The following DIP2B variants were observed in gnomAD, a reference collection of about 807,000 sequenced individuals.
DIP2B encodes disco-interacting protein 2 homolog B.
A neutral mutation model predicts 198.0 loss-of-function variants in DIP2B; 76 were observed. The ratio of observed to expected loss-of-function variants is 0.38; its 90% CI spans 0.32 to 0.46. The LOEUF (loss-of-function observed/expected upper bound fraction) is 0.46. DIP2B is among the 20% of genes least tolerant of loss of function. DIP2B has a pLI of 0.99. For synonymous variants in DIP2B, 701 were observed against 739.1 expected, an observed-to-expected ratio of 0.95 and a Z score of 0.84; for missense variants, 1,559 against 1,978.4, an observed-to-expected ratio of 0.79 and a Z score of 4.02.
intron 1 of DIP2B, among the ~76,000 whole-genome samples, chr12:50,573,938 G>T (rs907524412): frequency 5.3e-5 from 8 of 152,188 alleles, no homozygotes; most frequent in Admixed American, 1.3e-4. Context: ...GTATATTTAA[G>T]ATAATTTCCT....
chr12:50,651,808 G>A (rs1388498266), intron 3 of DIP2B, among the ~76,000 whole-genome samples: 5 of 152,032 alleles, frequency 3.3e-5, no homozygotes, highest in African/African-American at 9.7e-5. Context: ...GGACTCAAGC[G>A]ATTCTCCCCG....
chr12:50,704,365 T>A, intron 20 of DIP2B, 145 bp downstream of exon 20: 1 of 627,872 alleles, frequency 1.6e-6, no homozygotes, highest in Non-Finnish European at 2.5e-6. Flanking sequence ...AAGGATGTCA[T>A]AAAATGAGTT....
At chr12:50,714,326 A>AT (rs1183416722) in intron 22 of DIP2B, 69 bp from the exon 23 acceptor site, 2 of 1,579,194 alleles carry the variant, frequency 1.3e-6, no homozygotes, top group Admixed American at 3.4e-5. Context: ...AAAATAATGG[A>AT]TTATACCAGG....
At chr12:50,577,005 C>T (rs1958668181) in intron 1 of DIP2B, among the ~76,000 whole-genome samples, 1 of 151,828 alleles carries the variant, frequency 6.6e-6, no homozygotes, top group South Asian at 2.1e-4. Context: ...CTGGGATTAC[C>T]ACGCCTAATT....
In DIP2B at chr12:50,745,891, C is replaced by A. The variant is rs1054571468; in HGVS notation, c.*1052C>A. On this transcript the variant is annotated 3_prime_UTR_variant, in exon 38 of 38. Transcript: ENST00000301180. The stretch of plus-strand genomic sequence containing the variant: ...TCTACAGTTTATCCATATAACTTCT[C>A]TTCTGAAAACTGAGGAGTGTCCTCT... The A allele has an allele frequency of 7.2e-5, 11 of 152,178 alleles. No individual in the cohort carries two copies. The highest frequency in any genetic ancestry group is 1.2e-4 in the African/African-American group (5 of 41,420). The allele number at this position is 152,178 out of a possible 1,614,324, so 9.4% of individuals were successfully genotyped here.
chr12:50,591,248 A>G (rs1958815752), intron 1 of DIP2B, among the ~76,000 whole-genome samples: 1 of 152,206 alleles, frequency 6.6e-6, no homozygotes, highest in Non-Finnish European at 1.5e-5. Flanking sequence ...TTACTTCTCC[A>G]TGGACTTTGA....
At position 50,580,255 on chromosome 12, in the gene DIP2B, CCTT is replaced by C. The variant is rs1438648801; in HGVS notation, c.101-45718_101-45716del. On this transcript the variant is annotated intron_variant, in intron 1 of 37. Coordinates refer to ENST00000301180, the MANE Select transcript of DIP2B (RefSeq NM_173602.3). ...CAGCACTACACACTGTTGCCCCAAA[CCTT>C]CTGAGTTATATCACAGTCATTTCAT... Among the ~76,000 whole-genome samples the C allele has an allele frequency of 6.1e-5, 9 of 148,738 alleles. 1 individual carries two copies. Among genetic ancestry groups the C allele is most frequent in the African/African-American group, 2.2e-4 (9 of 40,646 alleles).
chr12:50,518,050 AATG>A (rs1958081435), intron 1 of DIP2B, among the ~76,000 whole-genome samples: 1 of 152,204 alleles, frequency 6.6e-6, no homozygotes, highest in Admixed American at 6.5e-5. Context: ...CTATTAGCAT[AATG>A]ATGATGAGGG....
At position 50,683,127 on chromosome 12, in the gene DIP2B, A is replaced by C; in HGVS notation, c.1207-11A>C. Reference sequence around the variant, plus strand: ...TTCCTCTGTTAAACTGAATATCATTATGAATTTTAGGTAGCCCTGGTTTAC... The same window carrying C: ...TTCCTCTGTTAAACTGAATATCATTCTGAATTTTAGGTAGCCCTGGTTTAC... On this transcript the variant is annotated splice_polypyrimidine_tract_variant and intron_variant, in intron 9 of 37. Transcript: ENST00000301180. 1 of 1,596,140 alleles carries C rather than the reference A, an allele frequency of 6.3e-7. No homozygotes were observed. Among genetic ancestry groups the C allele is most frequent in the Non-Finnish European group, 8.5e-7 (1 of 1,172,454 alleles).
chr12:50,527,083 C>A (rs1452524183), intron 1 of DIP2B, among the ~76,000 whole-genome samples: 2 of 152,214 alleles, frequency 1.3e-5, no homozygotes, highest in Non-Finnish European at 2.9e-5. Flanking sequence ...TGGAAAAAAA[C>A]TGAATATTTC....
intron 3 of DIP2B, among the ~76,000 whole-genome samples, chr12:50,643,984 TTTATA>T (rs941273491): frequency 1.1e-4 from 16 of 152,230 alleles, no homozygotes; most frequent in Non-Finnish European, 1.0e-4. Context: ...TAAGAAGGAT[TTTATA>T]TTAATGCTGG....
At chr12:50,536,866 T>C (rs1463644571) in intron 1 of DIP2B, among the ~76,000 whole-genome samples, 1 of 131,846 alleles carries the variant, frequency 7.6e-6, no homozygotes, top group African/African-American at 2.7e-5. Context: ...ACAATAATTG[T>C]ATTTTTTTTT....
intron 1 of DIP2B, among the ~76,000 whole-genome samples, chr12:50,595,795 A>G (rs1291075577): frequency 2.0e-5 from 3 of 152,304 alleles, no homozygotes; most frequent in Non-Finnish European, 2.9e-5. Flanking sequence ...AAAATCTCCC[A>G]TGGACTCAAG....
intron 16 of DIP2B, among the ~76,000 whole-genome samples, chr12:50,696,569 A>G (rs1939315329): frequency 6.6e-6 from 1 of 152,186 alleles, no homozygotes; most frequent in South Asian, 2.1e-4. Flanking sequence ...CTGATCCTTC[A>G]CACAGTAGAA....
chr12:50,597,068 T>C (rs761927480), intron 1 of DIP2B, among the ~76,000 whole-genome samples: 1 of 152,214 alleles, frequency 6.6e-6, no homozygotes, highest in East Asian at 1.9e-4. Context: ...TTGTGAATTC[T>C]ATGGCCTTTT....
intron 1 of DIP2B, among the ~76,000 whole-genome samples, chr12:50,571,460 A>C (rs1958612912): frequency 6.6e-6 from 1 of 151,320 alleles, no homozygotes; most frequent in Admixed American, 6.6e-5. Flanking sequence ...GGCGTGAGCC[A>C]CCACACCCCG....
Position 50,718,818 on chromosome 12 carries a change from G to C in DIP2B, c.2961G>C (p.Lys987Asn), listed in dbSNP as rs202162129. The change falls in exon 24 of 38, where the codon AAG (lysine) becomes AAC (asparagine). Residue 987 changes from lysine to asparagine, a missense_variant and splice_region_variant. Physicochemically the swap from Lys to Asn is moderately conservative, Grantham distance 94. Transcript: ENST00000301180. ...TAGAAGAGAATGATTTGGTGAGGAAGGTAAGTGTTCCTGAAGTGTTACCTT... is the reference window on the plus strand; with the variant it reads ...TAGAAGAGAATGATTTGGTGAGGAACGTAAGTGTTCCTGAAGTGTTACCTT... The part of the protein sequence containing the change: ...GQIEENDLVR[K>N]HQFLAEILQW... 2.7e-5 allele frequency: 44 copies of C among 1,613,822 alleles called. No individual in the cohort carries two copies. The highest frequency in any genetic ancestry group is 2.7e-4 in the East Asian group (12 of 44,888).
At chr12:50,527,363 A>G (rs1958176265) in intron 1 of DIP2B, among the ~76,000 whole-genome samples, 1 of 152,236 alleles carries the variant, frequency 6.6e-6, no homozygotes, top group Admixed American at 6.5e-5. Context: ...TTGACTACCT[A>G]TATCTAAGGT....
intron 1 of DIP2B, among the ~76,000 whole-genome samples, chr12:50,548,860 G>A (rs1462204867): frequency 6.6e-6 from 1 of 152,118 alleles, no homozygotes; most frequent in Non-Finnish European, 1.5e-5. Context: ...ATACTAAGAG[G>A]TGTTTTTCTG....
Sources: allele counts gnomAD v4.1 joint callset (sites outside exome capture counted in the v4.1 genomes callset), GRCh38; gene constraint gnomAD v4.1.1; transcripts MANE v1.5; gene names NCBI Gene and HGNC (gene_info 2026-07-23, HGNC 2026-07-21).